Variants in ANKFN1 observed in about 807,000 individuals in gnomAD.
The protein encoded by ANKFN1 is ankyrin repeat and fibronectin type III domain containing 1.
Under a neutral mutation model 108.7 loss-of-function variants are expected in ANKFN1, and 74 were observed. The ratio of observed to expected loss-of-function variants is 0.68; its 90% CI spans 0.56 to 0.83. ANKFN1 has a LOEUF of 0.83. Ranked by LOEUF, ANKFN1 falls within the 40% of genes least tolerant of loss-of-function variation. ANKFN1 has a pLI of 0.00. For missense variants in ANKFN1, 1,505 were observed against 1,382.3 expected, an observed-to-expected ratio of 1.09 and a Z score of -1.41; for synonymous variants, 547 against 516.2, an observed-to-expected ratio of 1.06 and a Z score of -0.81.
intron 4 of ANKFN1, among the ~76,000 whole-genome samples, chr17:56,053,002 A>G (rs1904804702): frequency 6.6e-6 from 1 of 152,148 alleles, no homozygotes; most frequent in South Asian, 2.1e-4. Flanking sequence ...AAAAAATGTA[A>G]AAGAGCATTG....
chr17:56,428,761 C>T (rs2048659201), intron 8 of ANKFN1, among the ~76,000 whole-genome samples: 1 of 152,160 alleles, frequency 6.6e-6, no homozygotes, highest in African/African-American at 2.4e-5. Context: ...CAGCACCGGC[C>T]CATGGCCCCT....
At chr17:56,090,980 T>C (rs1905403918) in intron 4 of ANKFN1, among the ~76,000 whole-genome samples, 1 of 151,272 alleles carries the variant, frequency 6.6e-6, no homozygotes, top group African/African-American at 2.4e-5. Context: ...AGGAATTCTG[T>C]GTCTCCATCT....
intron 3 of ANKFN1, among the ~76,000 whole-genome samples, chr17:56,299,518 A>T (rs2044612464): frequency 6.6e-6 from 1 of 152,186 alleles, no homozygotes; most frequent in Non-Finnish European, 1.5e-5. Context: ...TATTATATTT[A>T]CATTTGAATA....
intron 8 of ANKFN1, among the ~76,000 whole-genome samples, chr17:56,408,657 C>A (rs183037575): frequency 2.0e-5 from 3 of 152,154 alleles, no homozygotes; most frequent in Non-Finnish European, 4.4e-5. Context: ...ATTTCTGTTA[C>A]CTATTTCAAA....
chr17:56,423,022 C>T (rs2048458929), intron 8 of ANKFN1, among the ~76,000 whole-genome samples: 1 of 152,158 alleles, frequency 6.6e-6, no homozygotes, highest in African/African-American at 2.4e-5. Flanking sequence ...GATGATGGGA[C>T]TCAAACTTTT....
At chr17:56,154,988 C>A (rs564634221) in intron 1 of ANKFN1, among the ~76,000 whole-genome samples, 5 of 152,294 alleles carry the variant, frequency 3.3e-5, no homozygotes, top group Admixed American at 2.6e-4. Flanking sequence ...AGAGTTTAAA[C>A]GAGAACAGTG....
chr17:56,514,767 T>C lies in ANKFN1; in HGVS notation c.*3498T>C, dbSNP rs1598747735. Among the ~76,000 whole-genome samples, 1 of 152,114 alleles carries C rather than the reference T, an allele frequency of 6.6e-6. No individual in the cohort carries two copies. The highest frequency in any genetic ancestry group is 2.4e-5 in the African/African-American group (1 of 41,424). Reference sequence around the variant, plus strand: ...CTTTCCTGAAGGATCCCAAAGCACTTTATGAAAAGCAATGACTGAAGCCTT... The same window carrying C: ...CTTTCCTGAAGGATCCCAAAGCACTCTATGAAAAGCAATGACTGAAGCCTT... On this transcript the variant is annotated 3_prime_UTR_variant, in exon 21 of 21. Transcript: ENST00000682825.
At chr17:56,304,501 AAATGCCTAGT>A (rs2044761597) in intron 3 of ANKFN1, among the ~76,000 whole-genome samples, 1 of 152,164 alleles carries the variant, frequency 6.6e-6, no homozygotes, top group Non-Finnish European at 1.5e-5. Context: ...TCTCTGGGAT[AAATGCCTAGT>A]AGTGCAGTTG....
At chr17:56,174,315 G>A (rs189327111) in intron 1 of ANKFN1, 2 of 985,556 alleles carry the variant, frequency 2.0e-6, no homozygotes, top group East Asian at 2.3e-4. Flanking sequence ...GGGGACCCTG[G>A]AGCTGATGCC....
intron 3 of ANKFN1, among the ~76,000 whole-genome samples, chr17:56,317,701 G>A (rs1313963122): frequency 6.6e-6 from 1 of 152,142 alleles, no homozygotes; most frequent in Non-Finnish European, 1.5e-5. Flanking sequence ...GGAATGTGGT[G>A]GACAATATGA....
intron 15 of ANKFN1, among the ~76,000 whole-genome samples, chr17:56,474,713 T>A (rs936882798): frequency 6.6e-6 from 1 of 152,184 alleles, no homozygotes; most frequent in African/African-American, 2.4e-5. Context: ...TTTGAATACT[T>A]CCATTTTTCC....
At chr17:56,351,765 T>C (rs978807863) in intron 5 of ANKFN1, among the ~76,000 whole-genome samples, 1 of 152,180 alleles carries the variant, frequency 6.6e-6, no homozygotes, top group African/African-American at 2.4e-5. Context: ...GGTATTCTCA[T>C]ATAATAGTTT....
At chr17:56,302,517 CA>C (rs774091391) in intron 3 of ANKFN1, among the ~76,000 whole-genome samples, 2,213 of 96,414 alleles carry the variant, frequency 0.023, 27 homozygotes, top group African/African-American at 0.08. Flanking sequence ...CTAGCCTCTA[CA>C]AAAAAAAAAA....
At position 56,374,586 on chromosome 17, in the gene ANKFN1, T is replaced by C. The variant is rs761083365; in HGVS notation, c.797-15T>C. The C allele has an allele frequency of 3.8e-6, 6 of 1,591,282 alleles. No homozygotes were observed. Among genetic ancestry groups the C allele is most frequent in the East Asian group, 2.2e-5 (1 of 44,778 alleles). ...TTGCTATGTTAAGATCCTTGTGTTT[T>C]TCCTTCTGTCCCAGGAGCCCCTGAG... On this transcript the variant is annotated splice_polypyrimidine_tract_variant and intron_variant, in intron 7 of 20. Transcript: ENST00000682825.
intron 3 of ANKFN1, among the ~76,000 whole-genome samples, chr17:56,257,371 A>G (rs7225836): frequency 0.083 from 12,687 of 152,214 alleles, 952 homozygotes; most frequent in African/African-American, 0.19. Flanking sequence ...CAAACAATAG[A>G]GCCACATTAA....
intron 8 of ANKFN1, among the ~76,000 whole-genome samples, chr17:56,390,369 A>G (rs2047392741): frequency 6.6e-6 from 1 of 152,218 alleles, no homozygotes; most frequent in African/African-American, 2.4e-5. Context: ...CCTGAAAAGG[A>G]CATGATCTCA....
chr17:56,137,938 G>T (rs1907690043), intron 4 of ANKFN1, among the ~76,000 whole-genome samples: 1 of 152,144 alleles, frequency 6.6e-6, no homozygotes, highest in South Asian at 2.1e-4. Context: ...TTAGCAAAGA[G>T]AGGGAAAAAA....
At chr17:56,129,334 A>C (rs754965358) in intron 4 of ANKFN1, among the ~76,000 whole-genome samples, 94 of 152,346 alleles carry the variant, frequency 6.2e-4, no homozygotes, top group Middle Eastern at 3.4e-3. Context: ...TTCAAAGTCA[A>C]TGATACCTAT....
chr17:56,399,138 C>T (rs2047674870), intron 8 of ANKFN1, among the ~76,000 whole-genome samples: 2 of 152,032 alleles, frequency 1.3e-5, no homozygotes, highest in Admixed American at 6.6e-5. Flanking sequence ...TCATGTTTCA[C>T]TTTATTATGT....
Sources: gnomAD v4.1 joint callset for allele counts (sites outside exome capture counted in the v4.1 genomes callset) on GRCh38, gnomAD v4.1.1 for gene constraint, MANE v1.5 for transcripts, NCBI Gene and HGNC (gene_info 2026-07-23, HGNC 2026-07-21) for gene names.